The following CDH3 variants were observed in gnomAD, a reference collection of about 807,000 sequenced individuals.
CDH3 encodes the protein cadherin 3, also known as cadherin-3.
Under a neutral mutation model 82.0 loss-of-function variants are expected in CDH3, and 54 were observed. That is an observed-to-expected ratio of 0.66 (90% CI 0.53 to 0.83). The LOEUF is 0.83. Among genes scored for constraint, CDH3 ranks in the 40% least tolerant of loss-of-function variants. The probability of loss-of-function intolerance (pLI) is 0.00; values close to 1 mark genes in which losing one functional copy is unlikely to be tolerated. For synonymous variants in CDH3, 446 were observed against 437.9 expected, an observed-to-expected ratio of 1.02 and a Z score of -0.23; for missense variants, 1,054 against 1,084.6, an observed-to-expected ratio of 0.97 and a Z score of 0.40.
At chr16:68,668,961 G>A in intron 2 of CDH3, among the ~76,000 whole-genome samples, 1 of 152,154 alleles carries the variant, frequency 6.6e-6, no homozygotes, top group Non-Finnish European at 1.5e-5. Context: ...GGTAGGTATT[G>A]TTTCATTTTC....
At chr16:68,708,682 C>T (rs1310801989) in intron 1 of CDH3, among the ~76,000 whole-genome samples, 2 of 150,854 alleles carry the variant, frequency 1.3e-5, no homozygotes, top group Non-Finnish European at 2.9e-5. Flanking sequence ...CTCGCTCTGT[C>T]GCCCAGGCTG....
the CDH3 span, among the ~76,000 whole-genome samples, chr16:68,733,771 A>G: frequency 6.6e-6 from 1 of 152,110 alleles, no homozygotes; most frequent in South Asian, 2.1e-4. Flanking sequence ...CAGAGAAGCA[A>G]TTCAGTGTGT....
intron 12 of CDH3, among the ~76,000 whole-genome samples, chr16:68,691,087 C>T (rs1217474978): frequency 6.8e-6 from 1 of 146,476 alleles, no homozygotes; most frequent in Non-Finnish European, 1.5e-5. Context: ...TTCACTGCAA[C>T]CTCCACCTCC....
chr16:68,670,212 A>C (rs1960848693), intron 2 of CDH3, among the ~76,000 whole-genome samples: 1 of 134,170 alleles, frequency 7.5e-6, no homozygotes, highest in South Asian at 2.5e-4. Context: ...CAACAGAGCA[A>C]GACTCTGTCT....
intron 7 of CDH3, 96 bp downstream of exon 7, chr16:68,680,070 C>T (rs1961172169): frequency 3.3e-6 from 4 of 1,220,554 alleles, no homozygotes; most frequent in Non-Finnish European, 4.8e-6. Flanking sequence ...CCACAAAGCC[C>T]AAGGCAGAAC....
At chr16:68,727,587 G>T (rs1356050768), downstream of CDH3, among the ~76,000 whole-genome samples, 4 of 151,968 alleles carry the variant, frequency 2.6e-5, no homozygotes, top group Non-Finnish European at 5.9e-5. Flanking sequence ...ACTAGCCTAG[G>T]CAACATAATG....
intron 9 of CDH3, among the ~76,000 whole-genome samples, chr16:68,683,576 C>T (rs193047509): frequency 3.5e-5 from 5 of 140,958 alleles, no homozygotes; most frequent in Non-Finnish European, 7.5e-5. Flanking sequence ...GGCGTGAACC[C>T]GGGAGGTGGA....
chr16:68,663,486 G>A (rs1960651850), intron 2 of CDH3, among the ~76,000 whole-genome samples: 1 of 151,220 alleles, frequency 6.6e-6, no homozygotes, highest in African/African-American at 2.4e-5. Context: ...CACCCGCCTC[G>A]GCCTCCCAAA....
chr16:68,699,606 C>T lies in CDH3; in HGVS notation c.*1206C>T, dbSNP rs1398961141. On this transcript the variant is annotated 3_prime_UTR_variant, in exon 16 of 16. Transcript: ENST00000264012. ...TCACGCCATTCTCCTGCCTCAGCCT[C>T]CCGAGTAGCTGGGACTACAGGTGCC... is the stretch of plus-strand genomic sequence containing the variant. 6.6e-6 allele frequency: 1 copy of T among 152,036 alleles called. No individual in the cohort carries two copies. Among genetic ancestry groups the T allele is most frequent in the Non-Finnish European group, 1.5e-5 (1 of 68,072 alleles). 9.4% of individuals were successfully genotyped at this position (152,036 alleles called of 1,614,324 possible). A position where few individuals can be genotyped will look rare whatever the true frequency, so the allele number is the denominator to read the frequency against.
intron 12 of CDH3, among the ~76,000 whole-genome samples, chr16:68,690,561 T>TG (rs1961534591): frequency 6.6e-6 from 1 of 151,540 alleles, no homozygotes; most frequent in African/African-American, 2.4e-5. Context: ...TGCAGTGAGC[T>TG]GAGATCGCGC....
intron 2 of CDH3, among the ~76,000 whole-genome samples, chr16:68,660,259 A>G (rs1055706485): frequency 6.6e-6 from 1 of 152,262 alleles, no homozygotes; most frequent in Non-Finnish European, 1.5e-5. Flanking sequence ...CCATTTAAAA[A>G]TAGTTTTCAT....
At chr16:68,672,577 G>A (rs1478154259) in intron 2 of CDH3, among the ~76,000 whole-genome samples, 3 of 152,204 alleles carry the variant, frequency 2.0e-5, no homozygotes, top group Middle Eastern at 3.2e-3. Context: ...GCCACCTGGG[G>A]ATCGTGTGGC....
At chr16:68,692,966 T>C (rs759928444) in intron 13 of CDH3, among the ~76,000 whole-genome samples, 12 of 152,160 alleles carry the variant, frequency 7.9e-5, no homozygotes, top group Non-Finnish European at 1.8e-4. Context: ...TAGCCAGGCA[T>C]GATGGCACAT....
chr16:68,651,744 G>C (rs1025094949), intron 2 of CDH3: 1 of 507,998 alleles, frequency 2.0e-6, no homozygotes, highest in Admixed American at 2.2e-5. Flanking sequence ...CTAGGGGACT[G>C]AGCCTGGCTG....
chr16:68,719,067 AC>A (rs1290355563), intron 1 of CDH3, among the ~76,000 whole-genome samples: 1 of 151,852 alleles, frequency 6.6e-6, no homozygotes, highest in Non-Finnish European at 1.5e-5. Flanking sequence ...ACATGGTGAA[AC>A]CCCGTCTCTA....
intron 2 of CDH3, among the ~76,000 whole-genome samples, chr16:68,649,634 A>G (rs1490792524): frequency 1.3e-5 from 2 of 152,114 alleles, no homozygotes; most frequent in East Asian, 1.9e-4. Flanking sequence ...GCCCCTGGGT[A>G]AGGGGGGTCC....
intron 2 of CDH3, among the ~76,000 whole-genome samples, chr16:68,648,943 G>A (rs1960160805): frequency 6.6e-6 from 1 of 150,496 alleles, no homozygotes; most frequent in Non-Finnish European, 1.5e-5. Flanking sequence ...TAGTCTCTAA[G>A]GGCCCAAGTG....
chr16:68,679,766 T>C (rs756743593), intron 6 of CDH3, 33 bp from the exon 7 acceptor site: 1 of 1,472,258 alleles, frequency 6.8e-7, no homozygotes, highest in South Asian at 1.1e-5. Flanking sequence ...GAGTTGGAAC[T>C]GGGAGGAAAA....
chr16:68,661,264 A>G (rs556338362), intron 2 of CDH3, among the ~76,000 whole-genome samples: 14 of 152,224 alleles, frequency 9.2e-5, no homozygotes, highest in Non-Finnish European at 1.6e-4. Flanking sequence ...GAGTGCCTGA[A>G]TTGGGGTCCC....
Sources: allele counts gnomAD v4.1 joint callset (sites outside exome capture counted in the v4.1 genomes callset), GRCh38; gene constraint gnomAD v4.1.1; transcripts MANE v1.5; gene names NCBI Gene and HGNC (gene_info 2026-07-23, HGNC 2026-07-21).